Variants in CNTNAP5 observed in about 807,000 individuals in gnomAD.
The protein encoded by CNTNAP5 is contactin-associated protein-like 5.
A neutral mutation model predicts 150.2 loss-of-function variants in CNTNAP5; 72 were observed. The ratio of observed to expected loss-of-function variants is 0.48; its 90% CI spans 0.40 to 0.58. The LOEUF is 0.58. Ranked by LOEUF, CNTNAP5 falls within the 20% of genes least tolerant of loss-of-function variation. CNTNAP5 has a pLI of 0.00. For missense variants in CNTNAP5, 1,636 were observed against 1,626.2 expected (o/e 1.01, Z -0.10); for synonymous variants, 672 against 619.8 (o/e 1.08, Z -1.25).
intron 3 of CNTNAP5, among the ~76,000 whole-genome samples, chr2:124,385,369 C>T (rs1690901843): frequency 6.6e-6 from 1 of 152,274 alleles, no homozygotes; most frequent in African/African-American, 2.4e-5. Context: ...CTCTTTACCC[C>T]ACTTCAATCT....
At chr2:124,455,825 C>T (rs1693105363) in intron 6 of CNTNAP5, among the ~76,000 whole-genome samples, 1 of 152,146 alleles carries the variant, frequency 6.6e-6, no homozygotes, top group Admixed American at 6.6e-5. Flanking sequence ...ACATGATCCT[C>T]TCAAAAGATG....
chr2:124,568,368 A>G (rs1336064836), intron 11 of CNTNAP5, among the ~76,000 whole-genome samples: 1 of 152,214 alleles, frequency 6.6e-6, no homozygotes, highest in East Asian at 1.9e-4. Flanking sequence ...CTAAGACATG[A>G]TAGTAGACAT....
chr2:124,803,839 T>C (rs1573628036), intron 19 of CNTNAP5, among the ~76,000 whole-genome samples: 1 of 152,048 alleles, frequency 6.6e-6, no homozygotes, highest in South Asian at 2.1e-4. Context: ...CCTTAGAACA[T>C]CCCCTGCCAT....
intron 21 of CNTNAP5, among the ~76,000 whole-genome samples, chr2:124,879,374 C>G (rs549643710): frequency 4.6e-5 from 7 of 152,238 alleles, no homozygotes; most frequent in African/African-American, 1.7e-4. Flanking sequence ...CTGTGGTTAC[C>G]TGAAAGGTTA....
At chr2:124,710,549 C>CT (rs1679785758) in intron 13 of CNTNAP5, among the ~76,000 whole-genome samples, 2 of 152,148 alleles carry the variant, frequency 1.3e-5, no homozygotes, top group Non-Finnish European at 2.9e-5. Context: ...CAATCCACCA[C>CT]TCCATCCAGC....
At chr2:124,755,621 G>A (rs146893403) in intron 14 of CNTNAP5, among the ~76,000 whole-genome samples, 3 of 152,220 alleles carry the variant, frequency 2.0e-5, no homozygotes, top group Admixed American at 6.5e-5. Context: ...GGCTGCTTCC[G>A]TGGTCCATGG....
At chr2:124,580,735 A>T (rs1696391974) in intron 11 of CNTNAP5, among the ~76,000 whole-genome samples, 1 of 152,190 alleles carries the variant, frequency 6.6e-6, no homozygotes, top group African/African-American at 2.4e-5. Context: ...ATCTGTTTAT[A>T]TAGACCTATG....
chr2:124,098,015 G>A (rs570902751), intron 1 of CNTNAP5, among the ~76,000 whole-genome samples: 5 of 150,626 alleles, frequency 3.3e-5, no homozygotes, highest in Admixed American at 1.3e-4. Flanking sequence ...GCGACAGAGC[G>A]AGACTCCGTC....
At chr2:124,291,763 T>C (rs1688300823) in intron 3 of CNTNAP5, among the ~76,000 whole-genome samples, 1 of 152,150 alleles carries the variant, frequency 6.6e-6, no homozygotes, top group Non-Finnish European at 1.5e-5. Context: ...ACATTAAAAA[T>C]AGATGCAAAA....
rs1293878093 is a variant in CNTNAP5 at position 124,471,535 on chromosome 2, T to G, written c.919-3204T>G. Among the ~76,000 whole-genome samples the G allele has an allele frequency of 2.0e-5, 3 of 152,160 alleles. No homozygotes were observed. The East Asian group carries it at 5.8e-4, about 29-fold the overall frequency. ...ACAAAGATAATTTGACTTCCTTTCT[T>G]CCTACCTGATTACCTTTTATCTTTT... On this transcript the variant is annotated intron_variant, in intron 6 of 23. Coordinates refer to ENST00000682447, the MANE Select transcript of CNTNAP5 (RefSeq NM_001367498.1).
intron 3 of CNTNAP5, among the ~76,000 whole-genome samples, chr2:124,313,300 T>A (rs975757644): frequency 1.3e-5 from 2 of 152,200 alleles, no homozygotes; most frequent in Non-Finnish European, 2.9e-5. Flanking sequence ...TCTGTTACAT[T>A]TAGGCATCCA....
In CNTNAP5 at chr2:124,802,575, G is replaced by C. The variant is rs72980466; in HGVS notation, c.3217+4255G>C. On this transcript the variant is annotated intron_variant, in intron 19 of 23. Coordinates refer to ENST00000682447, the MANE Select transcript of CNTNAP5 (RefSeq NM_001367498.1). ...GGCTGTGGCCACAGACAACTTCTCT[G>C]AGTCTGGACGGTTGGAGGAGAAAGG... is the stretch of plus-strand genomic sequence containing the variant. 5.0e-3 allele frequency among the ~76,000 whole-genome samples: 761 copies of C among 152,324 alleles called. 12 individuals are homozygous for C. The highest frequency in any genetic ancestry group is 0.017 in the African/African-American group (721 of 41,578).
intron 19 of CNTNAP5, among the ~76,000 whole-genome samples, chr2:124,811,703 A>AGGT (rs1420509802): frequency 1.8e-5 from 1 of 56,124 alleles, no homozygotes; most frequent in African/African-American, 9.1e-5. Context: ...TCACTTTAGG[A>AGGT]GGCGGGGGGG....
At chr2:124,368,308 TG>T (rs1210203718) in intron 3 of CNTNAP5, among the ~76,000 whole-genome samples, 1 of 152,200 alleles carries the variant, frequency 6.6e-6, no homozygotes, top group Admixed American at 6.5e-5. Context: ...TCCATTCATC[TG>T]ATTGACATAC....
At chr2:124,358,178 A>G (rs1284991068) in intron 3 of CNTNAP5, among the ~76,000 whole-genome samples, 18 of 152,154 alleles carry the variant, frequency 1.2e-4, no homozygotes, top group African/African-American at 3.9e-4. Context: ...TGCTGAAGTT[A>G]CTTATCAGCT....
At chr2:124,149,193 T>C (rs2104630543) in intron 1 of CNTNAP5, among the ~76,000 whole-genome samples, 1 of 152,198 alleles carries the variant, frequency 6.6e-6, no homozygotes, top group East Asian at 1.9e-4. Flanking sequence ...AGTCTGTTCA[T>C]AGCCCTCACT....
rs767956910 is a variant in CNTNAP5 at position 124,918,845 on chromosome 2, G to T, written c.*4557G>T. Among the ~76,000 whole-genome samples the T allele has an allele frequency of 6.6e-6, 1 of 152,150 alleles. No individual in the cohort carries two copies. Among genetic ancestry groups the T allele is most frequent in the Non-Finnish European group, 1.5e-5 (1 of 68,008 alleles). ...AAGATGGCAAAGGCGATTAATGGAAGAAGATGCAGACAAACTCAAAACTTT... is the reference window on the plus strand; with the variant it reads ...AAGATGGCAAAGGCGATTAATGGAATAAGATGCAGACAAACTCAAAACTTT... On this transcript the variant is annotated 3_prime_UTR_variant, in exon 24 of 24. Coordinates refer to ENST00000682447, the MANE Select transcript of CNTNAP5 (RefSeq NM_001367498.1).
chr2:124,148,516 T>TAA (rs1328927292), intron 1 of CNTNAP5, among the ~76,000 whole-genome samples: 2 of 145,986 alleles, frequency 1.4e-5, no homozygotes, highest in Non-Finnish European at 3.0e-5. Context: ...TATATATATA[T>TAA]AATATATACA....
intron 3 of CNTNAP5, among the ~76,000 whole-genome samples, chr2:124,414,496 A>C (rs1410504273): frequency 2.0e-5 from 3 of 152,160 alleles, no homozygotes; most frequent in Non-Finnish European, 2.9e-5. Context: ...ATGAAACTGC[A>C]AATGATATGG....
Sources: gnomAD v4.1 joint callset for allele counts (sites outside exome capture counted in the v4.1 genomes callset) on GRCh38, gnomAD v4.1.1 for gene constraint, MANE v1.5 for transcripts, NCBI Gene and HGNC (gene_info 2026-07-23, HGNC 2026-07-21) for gene names.